Variants in ASTN2 observed in about 807,000 individuals in gnomAD.
ASTN2 encodes the protein astrotactin 2, also known as astrotactin-2.
ASTN2 carries 54 observed loss-of-function variants against 139.8 expected under a neutral mutation model. The ratio of observed to expected loss-of-function variants is 0.39; its 90% CI spans 0.31 to 0.48. The LOEUF (loss-of-function observed/expected upper bound fraction) is 0.48. Ranked by LOEUF, ASTN2 falls within the 20% of genes least tolerant of loss-of-function variation. ASTN2 has a pLI of 0.95. For synonymous variants in ASTN2, 756 were observed against 719.5 expected (o/e 1.05, Z -0.81); for missense variants, 1,565 against 1,725.1 (o/e 0.91, Z 1.64).
At chr9:116,822,317 T>C (rs1831509203) in intron 11 of ASTN2, among the ~76,000 whole-genome samples, 1 of 152,084 alleles carries the variant, frequency 6.6e-6, no homozygotes, top group South Asian at 2.1e-4. Flanking sequence ...ACGGAGAAAG[T>C]AGGTTATAAA....
At chr9:117,082,053 G>T (rs921316230) in intron 5 of ASTN2, among the ~76,000 whole-genome samples, 2 of 152,166 alleles carry the variant, frequency 1.3e-5, no homozygotes, top group Non-Finnish European at 2.9e-5. Flanking sequence ...AAGCTGCTAT[G>T]TTTCTGTCAA....
chr9:117,204,389 G>T lies in ASTN2; in HGVS notation c.1015+9969C>A, dbSNP rs567338511. 2.0e-5 allele frequency among the ~76,000 whole-genome samples: 3 copies of T among 152,282 alleles called. No individual in the cohort carries two copies. In the South Asian group the frequency reaches 6.2e-4, roughly 32 times the overall value. The stretch of plus-strand genomic sequence containing the variant: ...ATTTATCTTGATTGATCAACTGATG[G>T]ATCAATCACTTAGCCAACAGGCATT... On this transcript the variant is annotated intron_variant, in intron 3 of 22. Transcript: ENST00000313400.
intron 1 of ASTN2, among the ~76,000 whole-genome samples, chr9:117,411,535 G>A (rs1039280830): frequency 6.6e-6 from 1 of 152,022 alleles, no homozygotes; most frequent in African/African-American, 2.4e-5. Flanking sequence ...AGGGAGCCAG[G>A]GTTAAATATG....
intron 10 of ASTN2, among the ~76,000 whole-genome samples, chr9:116,894,845 C>T (rs1425463540): frequency 1.3e-5 from 2 of 152,290 alleles, no homozygotes; most frequent in Non-Finnish European, 2.9e-5. Context: ...AATTCAAGGT[C>T]TTCCTGACAC....
At chr9:116,791,321 C>T (rs1449997178) in intron 13 of ASTN2, among the ~76,000 whole-genome samples, 1 of 152,200 alleles carries the variant, frequency 6.6e-6, no homozygotes, top group African/African-American at 2.4e-5. Context: ...ATAACAGTAA[C>T]AAATGACTTC....
rs555102283 is a variant in ASTN2, at chr9:116,555,500, C to T, written c.3355+62824G>A. ...ATGGGTTTAAGTGAATGGGAATGGG[C>T]TTTCCTCTCCCGACTCTGTGCGGTC... On this transcript the variant is annotated intron_variant, in intron 19 of 22. Coordinates refer to ENST00000313400, the MANE Select transcript of ASTN2 (RefSeq NM_001365068.1). Among the ~76,000 whole-genome samples, 3 of 152,260 alleles carry T rather than the reference C, an allele frequency of 2.0e-5. No individual in the cohort carries two copies. The East Asian group carries it at 5.8e-4, about 29-fold the overall frequency.
At chr9:117,227,178 T>C (rs1442128115) in intron 2 of ASTN2, among the ~76,000 whole-genome samples, 4 of 152,198 alleles carry the variant, frequency 2.6e-5, no homozygotes, top group African/African-American at 9.7e-5. Flanking sequence ...CAGAGTCACG[T>C]TGGTGAAGGC....
intron 10 of ASTN2, among the ~76,000 whole-genome samples, chr9:116,948,698 AGTGTGTGTGTGTGT>A (rs112233837): frequency 7.4e-6 from 1 of 135,346 alleles, no homozygotes; most frequent in African/African-American, 2.8e-5. Flanking sequence ...TATATGTGTG[AGTGTGTGTGTGTGT>A]GTGTGTGTGT....
At chr9:117,293,612 G>T (rs897322153) in intron 1 of ASTN2, among the ~76,000 whole-genome samples, 1 of 152,128 alleles carries the variant, frequency 6.6e-6, no homozygotes, top group African/African-American at 2.4e-5. Context: ...ATCAATTTGA[G>T]TGGTAGGTCT....
At chr9:117,028,662 G>C (rs930358947) in intron 6 of ASTN2, among the ~76,000 whole-genome samples, 1 of 152,130 alleles carries the variant, frequency 6.6e-6, no homozygotes, top group Non-Finnish European at 1.5e-5. Flanking sequence ...CTTCTAAGCT[G>C]TCTTCAAATG....
intron 22 of ASTN2, among the ~76,000 whole-genome samples, chr9:116,439,908 T>C (rs1305596392): frequency 6.6e-6 from 1 of 152,222 alleles, no homozygotes; most frequent in Admixed American, 6.5e-5. Context: ...GTAGCAACCA[T>C]TTCTACCTTT....
chr9:116,461,900 T>C (rs976390919), intron 20 of ASTN2, among the ~76,000 whole-genome samples: 1 of 152,178 alleles, frequency 6.6e-6, no homozygotes, highest in African/African-American at 2.4e-5. Context: ...GAGAAACCCA[T>C]TCTAGAACTA....
intron 7 of ASTN2, among the ~76,000 whole-genome samples, chr9:116,981,279 T>C (rs747824662): frequency 2.6e-5 from 4 of 152,200 alleles, no homozygotes; most frequent in Non-Finnish European, 5.9e-5. Context: ...AATGAATGAA[T>C]GAATGAGTGA....
At chr9:116,525,332 T>C (rs1851045579) in intron 19 of ASTN2, among the ~76,000 whole-genome samples, 1 of 152,202 alleles carries the variant, frequency 6.6e-6, no homozygotes, top group African/African-American at 2.4e-5. Context: ...GGACAGTATG[T>C]GCTGTAGATC....
At position 116,765,265 on chromosome 9, in the gene ASTN2, C is replaced by A. The variant is rs1588274373; in HGVS notation, c.2397-31742G>T. 3.9e-5 allele frequency among the ~76,000 whole-genome samples: 6 copies of A among 152,246 alleles called. 1 individual carries two copies. In the South Asian group the frequency reaches 1.2e-3, roughly 32 times the overall value. On this transcript the variant is annotated intron_variant, in intron 13 of 22. Coordinates refer to ENST00000313400, the MANE Select transcript of ASTN2 (RefSeq NM_001365068.1). ...CTCTCTGCATTCATCAACCAGACAC[C>A]CTGCAGCTGAGTGCACAGACAGTTC...
intron 13 of ASTN2, among the ~76,000 whole-genome samples, chr9:116,797,189 G>A (rs147611023): frequency 9.9e-5 from 15 of 152,144 alleles, no homozygotes; most frequent in African/African-American, 2.9e-4. Flanking sequence ...CGGTGGTGAT[G>A]GATTCACTAG....
chr9:116,633,994 G>A (rs369609752), intron 17 of ASTN2, among the ~76,000 whole-genome samples: 5 of 152,262 alleles, frequency 3.3e-5, no homozygotes, highest in Admixed American at 1.3e-4. Flanking sequence ...TACACGTGAC[G>A]GAGGGATGGT....
At chr9:117,350,100 G>A (rs1829341993) in intron 1 of ASTN2, among the ~76,000 whole-genome samples, 1 of 152,094 alleles carries the variant, frequency 6.6e-6, no homozygotes, top group African/African-American at 2.4e-5. Flanking sequence ...GGGGAAGCTG[G>A]GTAAGTGGTA....
intron 4 of ASTN2, among the ~76,000 whole-genome samples, chr9:117,104,673 G>A (rs1829060731): frequency 6.6e-6 from 1 of 152,156 alleles, no homozygotes; most frequent in Non-Finnish European, 1.5e-5. Context: ...TGTTACGGTG[G>A]TTTTTCTCTG....
Sources: gnomAD v4.1 joint callset for allele counts (sites outside exome capture counted in the v4.1 genomes callset) on GRCh38, gnomAD v4.1.1 for gene constraint, MANE v1.5 for transcripts, NCBI Gene and HGNC (gene_info 2026-07-23, HGNC 2026-07-21) for gene names.